Variants in MAP2K4 observed in about 807,000 individuals in gnomAD.
MAP2K4 encodes dual specificity mitogen-activated protein kinase kinase 4.
A neutral mutation model predicts 48.5 loss-of-function variants in MAP2K4; 4 were observed. That is an observed-to-expected ratio of 0.08 (90% CI 0.04 to 0.19). MAP2K4 has a LOEUF of 0.19. Among genes scored for constraint, MAP2K4 ranks in the 10% least tolerant of loss-of-function variants. The probability of loss-of-function intolerance (pLI) is 1.00; values close to 1 mark genes in which losing one functional copy is unlikely to be tolerated. For synonymous variants in MAP2K4, 166 were observed against 173.1 expected (o/e 0.96, Z 0.32); for missense variants, 258 against 493.3 (o/e 0.52, Z 4.52).
At chr17:12,030,428 A>G (rs1052859437) in intron 1 of MAP2K4, among the ~76,000 whole-genome samples, 4 of 152,198 alleles carry the variant, frequency 2.6e-5, no homozygotes, top group African/African-American at 4.8e-5. Flanking sequence ...GAACAAGTCT[A>G]TACTTATGCT....
At chr17:12,122,093 A>G (rs1382612352) in intron 7 of MAP2K4, among the ~76,000 whole-genome samples, 2 of 152,270 alleles carry the variant, frequency 1.3e-5, no homozygotes, top group East Asian at 3.8e-4. Context: ...TGAGTGATGT[A>G]AATAAAAAAC....
At chr17:12,075,510 G>C (rs2151543523) in intron 2 of MAP2K4, among the ~76,000 whole-genome samples, 1 of 152,334 alleles carries the variant, frequency 6.6e-6, no homozygotes, top group East Asian at 1.9e-4. Context: ...TAATAGGTAA[G>C]GAACTTGTTA....
rs1388816845 is a variant in MAP2K4 at position 12,100,987 on chromosome 17, A to G, written c.513+5293A>G. On this transcript the variant is annotated intron_variant, in intron 4 of 10. Transcript: ENST00000353533. ...TTATTATCAGACCTATGATTTGCAG[A>G]TACTGTCTCCTGTCTGCGCTTATCT... Among the ~76,000 whole-genome samples the G allele has an allele frequency of 4.2e-4, 64 of 152,228 alleles. 1 individual carries two copies. Among genetic ancestry groups the G allele is most frequent in the Non-Finnish European group, 4.4e-5 (3 of 67,958 alleles).
At chr17:12,089,271 G>T (rs990787810) in intron 3 of MAP2K4, among the ~76,000 whole-genome samples, 1 of 152,084 alleles carries the variant, frequency 6.6e-6, no homozygotes, top group African/African-American at 2.4e-5. Context: ...AGGGGAACAA[G>T]CCCCCTGCAC....
At chr17:12,095,470 A>C (rs1971706187) in intron 3 of MAP2K4, 105 bp from the exon 4 acceptor site, 1 of 1,237,802 alleles carries the variant, frequency 8.1e-7, no homozygotes, top group Non-Finnish European at 1.2e-6. Flanking sequence ...AAGTTTGGTA[A>C]TTTTTAGTCT....
chr17:12,125,761 T>A (rs1972832716), intron 8 of MAP2K4, among the ~76,000 whole-genome samples: 1 of 152,224 alleles, frequency 6.6e-6, no homozygotes, highest in South Asian at 2.1e-4. Context: ...TAATACTGTA[T>A]ATAGTGTGTA....
At chr17:12,036,231 G>T (rs978509593) in intron 1 of MAP2K4, among the ~76,000 whole-genome samples, 2 of 152,002 alleles carry the variant, frequency 1.3e-5, no homozygotes, top group African/African-American at 4.8e-5. Context: ...GAATTTTTCT[G>T]AAGTCTGAAT....
In MAP2K4 at chr17:12,066,814, C is replaced by T. The variant is rs949354921; in HGVS notation, c.218+11823C>T. Among the ~76,000 whole-genome samples the T allele has an allele frequency of 4.1e-4, 62 of 152,256 alleles. 1 individual carries two copies. Among genetic ancestry groups the T allele is most frequent in the African/African-American group, 1.3e-3 (54 of 41,578 alleles). ...ACGCCATTCTCCTGCCTCAGCCTCCCGAGTAGCTGGGACTACAGGCGCCCG... is the reference window on the plus strand; with the variant it reads ...ACGCCATTCTCCTGCCTCAGCCTCCTGAGTAGCTGGGACTACAGGCGCCCG... On this transcript the variant is annotated intron_variant, in intron 2 of 10. Transcript: ENST00000353533.
At chr17:12,077,072 T>C (rs1401697899) in intron 2 of MAP2K4, among the ~76,000 whole-genome samples, 1 of 152,208 alleles carries the variant, frequency 6.6e-6, no homozygotes, top group East Asian at 1.9e-4. Context: ...ACATCAGGAA[T>C]GAGTTCAGGA....
intron 3 of MAP2K4, among the ~76,000 whole-genome samples, chr17:12,091,455 A>G (rs12325842): frequency 3.9e-5 from 6 of 151,994 alleles, no homozygotes; most frequent in Middle Eastern, 3.2e-3. Context: ...TTAACTTTCT[A>G]TTACCGCGGC....
chr17:12,056,162 G>C (rs1366792108), intron 2 of MAP2K4, among the ~76,000 whole-genome samples: 1 of 152,048 alleles, frequency 6.6e-6, no homozygotes, highest in Non-Finnish European at 1.5e-5. Context: ...GCCCCCTTCT[G>C]TTACCTTAGT....
rs28921109 is a variant in MAP2K4, at chr17:12,140,810, G to T, written c.1087-337G>T. On this transcript the variant is annotated intron_variant, in intron 10 of 10. Transcript: ENST00000353533. ...CGTCATTCTTCTTAGCTCTTAGATG[G>T]TGTGGTGGAGGCTCCAGCTATGTTT... Among the ~76,000 whole-genome samples, 956 of 152,288 alleles carry T rather than the reference G, an allele frequency of 6.3e-3. 2 individuals carry two copies. Among genetic ancestry groups the T allele is most frequent in the East Asian group, 0.036 (187 of 5,180 alleles).
chr17:12,104,892 GT>G (rs1972057186), intron 4 of MAP2K4, among the ~76,000 whole-genome samples: 2 of 152,038 alleles, frequency 1.3e-5, no homozygotes, highest in Admixed American at 1.3e-4. Flanking sequence ...CCATTTGGGA[GT>G]TTTTGTATAT....
At position 12,141,468 on chromosome 17, in the gene MAP2K4, C is replaced by T; in HGVS notation, c.*208C>T. The stretch of plus-strand genomic sequence containing the variant: ...TTGATCACACAGTGTTAGTGCTGGT[C>T]AGAGAGACCTCATCCTGCTCTTTTG... On this transcript the variant is annotated 3_prime_UTR_variant, in exon 11 of 11. Coordinates refer to ENST00000353533, the MANE Select transcript of MAP2K4 (RefSeq NM_003010.4). 1.8e-6 allele frequency: 1 copy of T among 565,404 alleles called. No individual in the cohort carries two copies. The highest frequency in any genetic ancestry group is 3.2e-6 in the Non-Finnish European group (1 of 316,660). 35.0% of individuals were successfully genotyped at this position (565,404 alleles called of 1,614,324 possible). A position where few individuals can be genotyped will look rare whatever the true frequency, so the allele number is the denominator to read the frequency against.
intron 1 of MAP2K4, among the ~76,000 whole-genome samples, chr17:12,047,579 T>G (rs184125272): frequency 6.6e-6 from 1 of 152,328 alleles, no homozygotes; most frequent in East Asian, 1.9e-4. Flanking sequence ...GGATCCTGGA[T>G]TAGGATAGGA....
chr17:12,132,854 G>C (rs1005775205), intron 9 of MAP2K4, among the ~76,000 whole-genome samples: 6 of 152,090 alleles, frequency 3.9e-5, no homozygotes, highest in African/African-American at 1.4e-4. Context: ...TAAAGCTTGA[G>C]GATAATTTGG....
intron 3 of MAP2K4, among the ~76,000 whole-genome samples, chr17:12,094,126 A>T (rs750335005): frequency 2.6e-5 from 4 of 152,158 alleles, no homozygotes; most frequent in Non-Finnish European, 5.9e-5. Context: ...TTTCATTCTT[A>T]CTTTAGTGCT....
intron 3 of MAP2K4, among the ~76,000 whole-genome samples, chr17:12,084,109 T>C (rs900817507): frequency 3.9e-5 from 6 of 152,208 alleles, no homozygotes; most frequent in African/African-American, 1.4e-4. Context: ...TCATTTTTAG[T>C]TCTGAGGAAT....
At chr17:12,055,950 A>T (rs541989346) in intron 2 of MAP2K4, among the ~76,000 whole-genome samples, 4 of 152,196 alleles carry the variant, frequency 2.6e-5, no homozygotes, top group African/African-American at 9.6e-5. Flanking sequence ...TCATAATCAC[A>T]CTTCTTGTCA....
Sources: allele counts gnomAD v4.1 joint callset (sites outside exome capture counted in the v4.1 genomes callset), GRCh38; gene constraint gnomAD v4.1.1; transcripts MANE v1.5; gene names NCBI Gene and HGNC (gene_info 2026-07-23, HGNC 2026-07-21).